Variants in VEPH1 observed in about 807,000 individuals in gnomAD.
VEPH1 encodes the protein ventricular zone-expressed PH domain-containing protein homolog 1.
In VEPH1, 80 loss-of-function variants were observed where a neutral mutation model predicts 85.2. The observed-to-expected ratio is 0.94, with a 90% CI of 0.78 to 1.13. The LOEUF is 1.13. Among genes scored for constraint, VEPH1 ranks in the 50% most tolerant of loss-of-function variants. The pLI is 0.00. For synonymous variants in VEPH1, 297 were observed against 348.0 expected, an observed-to-expected ratio of 0.85 and a Z score of 1.63; for missense variants, 955 against 980.5, an observed-to-expected ratio of 0.97 and a Z score of 0.35.
intron 7 of VEPH1, among the ~76,000 whole-genome samples, chr3:157,378,339 TATATATATATATATATATAG>T (rs1217608739): frequency 9.9e-6 from 1 of 101,162 alleles, no homozygotes; most frequent in Non-Finnish European, 1.9e-5. Context: ...TATATATATA[TATATATATATATATATATAG>T]TAGTGATTCT....
intron 6 of VEPH1, among the ~76,000 whole-genome samples, chr3:157,397,755 T>C (rs1730524100): frequency 6.6e-6 from 1 of 152,180 alleles, no homozygotes; most frequent in African/African-American, 2.4e-5. Flanking sequence ...TTTCTAATCA[T>C]ATTCCTTCCA....
chr3:157,283,384 G>A (rs899561852), intron 12 of VEPH1, among the ~76,000 whole-genome samples: 1 of 152,292 alleles, frequency 6.6e-6, no homozygotes, highest in East Asian at 1.9e-4. Flanking sequence ...AAAAATGCAT[G>A]CAAGCTTAGC....
chr3:157,414,470 T>C (rs1211450607), intron 5 of VEPH1, among the ~76,000 whole-genome samples: 1 of 152,152 alleles, frequency 6.6e-6, no homozygotes, highest in East Asian at 1.9e-4. Context: ...TAGGAGATCT[T>C]TGTTGACTTT....
chr3:157,353,325 T>A (rs996898630), intron 9 of VEPH1, among the ~76,000 whole-genome samples: 3 of 152,010 alleles, frequency 2.0e-5, no homozygotes, highest in African/African-American at 7.3e-5. Context: ...CAGGCTGGAG[T>A]GCAGTGGCGC....
chr3:157,353,363 G>A (rs962213494), intron 9 of VEPH1, among the ~76,000 whole-genome samples: 13 of 152,050 alleles, frequency 8.5e-5, no homozygotes, highest in African/African-American at 3.1e-4. Context: ...CACCTCCTGG[G>A]CTCAAGTGAT....
intron 6 of VEPH1, among the ~76,000 whole-genome samples, chr3:157,394,462 C>G (rs1195422771): frequency 6.6e-6 from 1 of 152,180 alleles, no homozygotes; most frequent in African/African-American, 2.4e-5. Context: ...GTATCTGTCT[C>G]ATAGAGGAGT....
intron 2 of VEPH1, among the ~76,000 whole-genome samples, chr3:157,483,762 G>A (rs1470842459): frequency 6.6e-6 from 1 of 152,106 alleles, no homozygotes; most frequent in East Asian, 1.9e-4. Context: ...ACGACGGATA[G>A]GAGGGCGATG....
chr3:157,454,426 C>T (rs992387038), intron 4 of VEPH1, among the ~76,000 whole-genome samples: 3 of 152,044 alleles, frequency 2.0e-5, no homozygotes, highest in African/African-American at 7.2e-5. Context: ...GTACTAAGAA[C>T]CCACCTTAGG....
chr3:157,318,064 A>G (rs978645043), intron 9 of VEPH1, among the ~76,000 whole-genome samples: 2 of 152,198 alleles, frequency 1.3e-5, no homozygotes, highest in African/African-American at 2.4e-5. Context: ...GGCACATGAG[A>G]TAAATATTAA....
intron 4 of VEPH1, chr3:157,442,890 G>GA (rs771097774): frequency 1.9e-6 from 3 of 1,614,208 alleles, no homozygotes; most frequent in Non-Finnish European, 1.7e-6. Context: ...AGAGACCGGA[G>GA]GAGCAGAGTC....
At chr3:157,310,568 T>A (rs1719998443) in intron 11 of VEPH1, among the ~76,000 whole-genome samples, 1 of 152,204 alleles carries the variant, frequency 6.6e-6, no homozygotes, top group African/African-American at 2.4e-5. Flanking sequence ...TACGCTGCTA[T>A]AACTAACACC....
At chr3:157,448,392 C>T (rs1320660869) in intron 4 of VEPH1, among the ~76,000 whole-genome samples, 1 of 152,140 alleles carries the variant, frequency 6.6e-6, no homozygotes, top group Non-Finnish European at 1.5e-5. Flanking sequence ...AGGCATATTT[C>T]TTTATTATGA....
At chr3:157,393,837 G>T (rs1425872670) in intron 6 of VEPH1, among the ~76,000 whole-genome samples, 4 of 152,076 alleles carry the variant, frequency 2.6e-5, no homozygotes, top group African/African-American at 9.7e-5. Context: ...TATACTGCAG[G>T]TATATGATTG....
At chr3:157,319,509 G>A (rs1020753991) in intron 9 of VEPH1, among the ~76,000 whole-genome samples, 3 of 152,148 alleles carry the variant, frequency 2.0e-5, no homozygotes, top group Middle Eastern at 3.2e-3. Flanking sequence ...AAAGAAATAG[G>A]AAACCTATTA....
intron 4 of VEPH1, among the ~76,000 whole-genome samples, chr3:157,440,886 C>A (rs896173124): frequency 6.6e-6 from 1 of 152,154 alleles, no homozygotes; most frequent in African/African-American, 2.4e-5. Flanking sequence ...TGTTCTCCAA[C>A]CAGGCCCCTT....
intron 6 of VEPH1, 64 bp from the exon 7 acceptor site, chr3:157,381,440 C>T: frequency 1.3e-6 from 2 of 1,545,428 alleles, no homozygotes; most frequent in East Asian, 2.3e-5. Context: ...GCATGGTGGT[C>T]ATGCCTGTAA....
intron 9 of VEPH1, among the ~76,000 whole-genome samples, chr3:157,334,351 G>A (rs1722769714): frequency 6.6e-6 from 1 of 152,166 alleles, no homozygotes; most frequent in African/African-American, 2.4e-5. Flanking sequence ...TAGTCTTAAG[G>A]AAATTCAGTT....
At chr3:157,283,406 G>A (rs1163485496) in intron 12 of VEPH1, among the ~76,000 whole-genome samples, 1 of 152,198 alleles carries the variant, frequency 6.6e-6, no homozygotes, top group African/African-American at 2.4e-5. Context: ...TATTATTAGA[G>A]TGATAAATGC....
At position 157,459,780 on chromosome 3, in the gene VEPH1, A is replaced by C. The variant is rs1313842101; in HGVS notation, c.529+401T>G. ...CATTTTCTGATGTATTTTATCTAAC[A>C]AAAGACATTTCTTGCTTTTGGAAGC... On this transcript the variant is annotated intron_variant, in intron 4 of 13. Coordinates refer to ENST00000362010, the MANE Select transcript of VEPH1 (RefSeq NM_001167912.2). 8.8e-6 allele frequency: 13 copies of C among 1,472,892 alleles called. No homozygotes were observed. In the East Asian group the frequency reaches 1.0e-4, roughly 11 times the overall value. 91.2% of individuals were successfully genotyped at this position (1,472,892 alleles called of 1,614,324 possible). A position where few individuals can be genotyped will look rare whatever the true frequency, so the allele number is the denominator to read the frequency against.
Sources: gnomAD v4.1 joint callset for allele counts (sites outside exome capture counted in the v4.1 genomes callset) on GRCh38, gnomAD v4.1.1 for gene constraint, MANE v1.5 for transcripts, NCBI Gene and HGNC (gene_info 2026-07-23, HGNC 2026-07-21) for gene names.